RNF169: variants seen among roughly 807,000 people sequenced by gnomAD.
RNF169 encodes the protein ring finger protein 169, also known as E3 ubiquitin-protein ligase RNF169.
A neutral mutation model predicts 53.9 loss-of-function variants in RNF169; 24 were observed. That is an observed-to-expected ratio of 0.45 (90% CI 0.32 to 0.63). The LOEUF is 0.63. Among genes scored for constraint, RNF169 ranks in the 20% least tolerant of loss-of-function variants. The pLI, the probability that RNF169 is intolerant of heterozygous loss-of-function variation, is 0.04. For missense variants in RNF169, 883 were observed against 906.2 expected (o/e 0.97, Z 0.33); for synonymous variants, 396 against 363.5 (o/e 1.09, Z -1.02).
chr11:74,825,761 G>A (rs954988789), intron 4 of RNF169, among the ~76,000 whole-genome samples: 5 of 152,136 alleles, frequency 3.3e-5, no homozygotes, highest in African/African-American at 1.2e-4. Flanking sequence ...TAAAATACTG[G>A]CAAACCAAAT....
chr11:74,786,248 T>C (rs1437411677), intron 1 of RNF169, among the ~76,000 whole-genome samples: 45 of 150,288 alleles, frequency 3.0e-4, no homozygotes, highest in Middle Eastern at 3.5e-3. Context: ...CTGTTTCTTT[T>C]TTTTTTTTTT....
Position 74,749,101 on chromosome 11 carries a change from C to A in RNF169, c.221C>A (p.Pro74His). The A allele has an allele frequency of 2.1e-6, 3 of 1,423,552 alleles. No homozygotes were observed. Among genetic ancestry groups the A allele is most frequent in the Non-Finnish European group, 2.8e-6 (3 of 1,086,726 alleles). The allele number at this position is 1,423,552 out of a possible 1,614,324, so 88.2% of individuals were successfully genotyped here. Residue 74 changes from proline (P) to histidine (H), a missense_variant, in exon 1 of 6, where the codon CCC becomes CAC. By Grantham distance (77) the Pro-to-His change is moderately conservative. Around this residue, in one of 3 missense-constraint regions of RNF169, gnomAD observed 313 missense variants for 279.9 expected, o/e 1.12. Transcript: ENST00000299563. ...EESGCAGCLE[P>H]PGEAAALPCG... Reference sequence around the variant, plus strand: ...TCGGGCTGCGCCGGGTGCCTGGAGCCCCCCGGAGAAGCAGCGGCCCTGCCG... The same window carrying A: ...TCGGGCTGCGCCGGGTGCCTGGAGCACCCCGGAGAAGCAGCGGCCCTGCCG...
At chr11:74,796,556 A>G (rs1213632781) in intron 2 of RNF169, among the ~76,000 whole-genome samples, 2 of 152,164 alleles carry the variant, frequency 1.3e-5, no homozygotes, top group Admixed American at 6.5e-5. Context: ...TGCTTGTTAG[A>G]TGCTTAACTT....
chr11:74,781,273 C>A (rs1255269108), intron 1 of RNF169, among the ~76,000 whole-genome samples: 1 of 152,210 alleles, frequency 6.6e-6, no homozygotes, highest in Admixed American at 6.5e-5. Context: ...AAGTGATCTG[C>A]CCCCTCATTC....
intron 4 of RNF169, among the ~76,000 whole-genome samples, chr11:74,826,204 T>G (rs2036093806): frequency 6.6e-6 from 1 of 152,168 alleles, no homozygotes; most frequent in Non-Finnish European, 1.5e-5. Context: ...CATGCACCTG[T>G]AATCCCAGCT....
intron 5 of RNF169, 118 bp downstream of exon 5, chr11:74,834,893 A>G: frequency 1.6e-6 from 1 of 617,322 alleles, no homozygotes; most frequent in Non-Finnish European, 2.8e-6. Flanking sequence ...CAGGCATACT[A>G]GTTATATTGG....
In RNF169 at chr11:74,765,924, A is replaced by C. The variant is rs537181704; in HGVS notation, c.502+16542A>C. Among the ~76,000 whole-genome samples, 9 of 152,252 alleles carry C rather than the reference A, an allele frequency of 5.9e-5. No individual in the cohort carries two copies. In the South Asian group the frequency reaches 1.9e-3, roughly 32 times the overall value. On this transcript the variant is annotated intron_variant, in intron 1 of 5. Coordinates refer to ENST00000299563, the MANE Select transcript of RNF169 (RefSeq NM_001098638.2). ...AGAAGTAGAAGATAGGAAAGAATAA[A>C]GAGCAGAAATTAATGGAATAGAAAA...
intron 1 of RNF169, among the ~76,000 whole-genome samples, chr11:74,787,546 G>C (rs1266048876): frequency 6.6e-6 from 1 of 152,122 alleles, no homozygotes; most frequent in Non-Finnish European, 1.5e-5. Context: ...AAGGCAGAGG[G>C]ATCTCTTGAG....
chr11:74,834,923 T>C (rs2036231015), intron 5 of RNF169, 148 bp downstream of exon 5: 1 of 556,264 alleles, frequency 1.8e-6, no homozygotes, highest in African/African-American at 1.9e-5. Context: ...CAAACAGATG[T>C]GAAGGAAGAA....
At position 74,748,999 on chromosome 11, in the gene RNF169, G is replaced by A; in HGVS notation, c.119G>A (p.Gly40Asp). ...GCGGCAGCTAAGACTGGGGCCCCAG[G>A]CCCGGCTTCTGGACCTTCGCTGTTG... ...ETAAAKTGAP[G>D]PASGPSLLVL... Residue 40 changes from glycine (G) to aspartate (D), a missense_variant, in exon 1 of 6, where the codon GGC becomes GAC. Gly to Asp is a moderately conservative substitution (Grantham distance 94, BLOSUM62 -1). Transcript: ENST00000299563. 6.7e-7 allele frequency: 1 copy of A among 1,498,952 alleles called. No individual in the cohort carries two copies. The highest frequency in any genetic ancestry group is 8.9e-7 in the Non-Finnish European group (1 of 1,119,984). The allele number at this position is 1,498,952 out of a possible 1,614,324, so 92.9% of individuals were successfully genotyped here. A position where few individuals can be genotyped will look rare whatever the true frequency, so the allele number is the denominator to read the frequency against.
chr11:74,754,138 A>G (rs551385480), intron 1 of RNF169, among the ~76,000 whole-genome samples: 160 of 152,294 alleles, frequency 1.1e-3, no homozygotes, highest in Non-Finnish European at 2.0e-3. Flanking sequence ...TCTTTGGGAA[A>G]CATTAGTGAA....
chr11:74,763,950 G>T (rs1225745537), intron 1 of RNF169, among the ~76,000 whole-genome samples: 2 of 152,190 alleles, frequency 1.3e-5, no homozygotes, highest in Non-Finnish European at 2.9e-5. Context: ...AGGCTCAAGT[G>T]ATCCTCCCAC....
intron 1 of RNF169, among the ~76,000 whole-genome samples, chr11:74,772,483 T>A (rs1371439113): frequency 6.6e-6 from 1 of 151,632 alleles, no homozygotes; most frequent in African/African-American, 2.4e-5. Flanking sequence ...TTTTTTTTTT[T>A]TTTTTTTTTT....
At chr11:74,806,312 A>G (rs2035805019) in intron 2 of RNF169, among the ~76,000 whole-genome samples, 1 of 152,226 alleles carries the variant, frequency 6.6e-6, no homozygotes, top group Non-Finnish European at 1.5e-5. Context: ...ACACATTGAA[A>G]TGGCTAAAAT....
chr11:74,800,264 A>T (rs188355529), intron 2 of RNF169, among the ~76,000 whole-genome samples: 269 of 152,276 alleles, frequency 1.8e-3, no homozygotes, highest in African/African-American at 6.2e-3. Flanking sequence ...ATATTTTTCC[A>T]GATTCAAATC....
intron 1 of RNF169, among the ~76,000 whole-genome samples, chr11:74,786,744 T>A (rs114302283): frequency 6.6e-6 from 1 of 152,202 alleles, no homozygotes; most frequent in Non-Finnish European, 1.5e-5. Context: ...CTGATCCTTA[T>A]AATAACCTGT....
intron 1 of RNF169, among the ~76,000 whole-genome samples, chr11:74,789,235 T>C (rs1241172435): frequency 2.0e-5 from 3 of 152,208 alleles, no homozygotes; most frequent in African/African-American, 7.2e-5. Flanking sequence ...TAAGAGTCTT[T>C]CTAAAATAGT....
intron 4 of RNF169, among the ~76,000 whole-genome samples, chr11:74,819,246 A>C (rs2035978627): frequency 1.3e-5 from 2 of 152,186 alleles, no homozygotes; most frequent in South Asian, 4.1e-4. Flanking sequence ...GTAGCTGAAA[A>C]GGACCTTAAA....
chr11:74,756,556 A>C (rs1034269079), intron 1 of RNF169, among the ~76,000 whole-genome samples: 5 of 152,228 alleles, frequency 3.3e-5, no homozygotes, highest in African/African-American at 1.2e-4. Flanking sequence ...CAAAGAAGAT[A>C]ATCTAGTTTG....
Sources: allele counts gnomAD v4.1 joint callset (sites outside exome capture counted in the v4.1 genomes callset), GRCh38; gene constraint gnomAD v4.1.1; regional missense constraint gnomAD v4.1.1; transcripts MANE v1.5; gene names NCBI Gene and HGNC (gene_info 2026-07-23, HGNC 2026-07-21).